Variants in DLGAP2 observed in about 807,000 individuals in gnomAD.
DLGAP2 encodes the protein DLG associated protein 2, also known as disks large-associated protein 2.
Under a neutral mutation model 100.3 loss-of-function variants are expected in DLGAP2, and 26 were observed. The ratio of observed to expected loss-of-function variants is 0.26; its 90% CI spans 0.19 to 0.36. The LOEUF is 0.36. Among genes scored for constraint, DLGAP2 ranks in the 10% least tolerant of loss-of-function variants. The pLI is 1.00. For missense variants in DLGAP2, 1,858 were observed against 1,453.2 expected, an observed-to-expected ratio of 1.28 and a Z score of -4.53; for synonymous variants, 886 against 630.1, an observed-to-expected ratio of 1.41 and a Z score of -6.08.
intron 5 of DLGAP2, among the ~76,000 whole-genome samples, chr8:1,550,102 T>C (rs1244495724): frequency 6.6e-6 from 1 of 152,192 alleles, no homozygotes; most frequent in Non-Finnish European, 1.5e-5. Flanking sequence ...ATGCCACCCG[T>C]GAGAGGGACC....
chr8:1,102,249 A>G (rs965302645), intron 2 of DLGAP2, among the ~76,000 whole-genome samples: 7 of 147,872 alleles, frequency 4.7e-5, no homozygotes, highest in Admixed American at 1.4e-4. Flanking sequence ...ACTGATTAAT[A>G]TTAATATATA....
At position 1,280,813 on chromosome 8, in the gene DLGAP2, G is replaced by A. The variant is rs55636412; in HGVS notation, c.106+21930G>A. ...GTTTGCAGATGTCACCTGTAATGGGGAGATTCTTAAATGGGACACATAGGC... is the reference window on the plus strand; with the variant it reads ...GTTTGCAGATGTCACCTGTAATGGGAAGATTCTTAAATGGGACACATAGGC... On this transcript the variant is annotated intron_variant, in intron 3 of 14. Coordinates refer to ENST00000637795, the MANE Select transcript of DLGAP2 (RefSeq NM_001346810.2). Among the ~76,000 whole-genome samples the A allele has an allele frequency of 9.9e-3, 1,506 of 152,286 alleles. 20 individuals carry two copies. The highest frequency in any genetic ancestry group is 0.035 in the African/African-American group (1,434 of 41,552).
intron 3 of DLGAP2, among the ~76,000 whole-genome samples, chr8:1,438,812 C>T (rs1162092841): frequency 6.6e-6 from 1 of 152,200 alleles, no homozygotes; most frequent in Non-Finnish European, 1.5e-5. Flanking sequence ...TGGAAACTGC[C>T]ATCCACAAAT....
intron 3 of DLGAP2, among the ~76,000 whole-genome samples, chr8:1,332,922 T>C (rs1220774233): frequency 6.6e-6 from 1 of 152,132 alleles, no homozygotes; most frequent in African/African-American, 2.4e-5. Context: ...CTTGCTGATG[T>C]TTCCTCAGAG....
intron 2 of DLGAP2, among the ~76,000 whole-genome samples, chr8:983,928 C>A (rs900033748): frequency 2.0e-5 from 3 of 152,210 alleles, no homozygotes; most frequent in Non-Finnish European, 4.4e-5. Context: ...ATGTGAGCCA[C>A]TGTGCCTGAC....
intron 1 of DLGAP2, among the ~76,000 whole-genome samples, chr8:855,355 T>G (rs1487287869): frequency 2.0e-5 from 3 of 152,188 alleles, no homozygotes; most frequent in Non-Finnish European, 4.4e-5. Flanking sequence ...GCGTTCTCTG[T>G]GCTCCCCACT....
intron 1 of DLGAP2, among the ~76,000 whole-genome samples, chr8:847,045 G>A (rs555507269): frequency 5.8e-4 from 88 of 152,250 alleles, no homozygotes; most frequent in Non-Finnish European, 1.1e-3. Flanking sequence ...AATAGTTTTT[G>A]TACAGTTGGA....
At chr8:1,657,111 G>C (rs1798302580) in intron 8 of DLGAP2, among the ~76,000 whole-genome samples, 1 of 152,078 alleles carries the variant, frequency 6.6e-6, no homozygotes. Flanking sequence ...TTTAAAGAAA[G>C]TAGTCAGGTC....
At chr8:907,566 A>T (rs1054977786) in intron 1 of DLGAP2, among the ~76,000 whole-genome samples, 1 of 152,186 alleles carries the variant, frequency 6.6e-6, no homozygotes, top group Non-Finnish European at 1.5e-5. Flanking sequence ...TAATATTTTA[A>T]AAGCCATCAC....
intron 1 of DLGAP2, among the ~76,000 whole-genome samples, chr8:832,653 G>T (rs578027128): frequency 6.6e-5 from 10 of 152,334 alleles, no homozygotes; most frequent in African/African-American, 2.2e-4. Context: ...CTTTTGCACT[G>T]ATTTTTTTGA....
chr8:1,601,946 G>A (rs2957081), intron 6 of DLGAP2, among the ~76,000 whole-genome samples: 364 of 7,128 alleles, frequency 0.051, 2 homozygotes, highest in African/African-American at 0.099. Context: ...ATTTAACAGG[G>A]TGTGTGTGTG....
intron 4 of DLGAP2, among the ~76,000 whole-genome samples, chr8:1,512,027 A>G (rs762122364): frequency 1.1e-4 from 16 of 152,230 alleles, no homozygotes; most frequent in East Asian, 5.8e-4. Context: ...CTGACTAACA[A>G]TCTTCAGAAG....
chr8:1,630,579 G>A (rs968655366), intron 7 of DLGAP2, among the ~76,000 whole-genome samples: 13 of 152,062 alleles, frequency 8.5e-5, no homozygotes, highest in Non-Finnish European at 1.3e-4. Flanking sequence ...GCGGGCACCT[G>A]TGGTCCCAGC....
At chr8:1,639,063 G>A (rs1262920385) in intron 8 of DLGAP2, among the ~76,000 whole-genome samples, 2 of 152,218 alleles carry the variant, frequency 1.3e-5, no homozygotes, top group African/African-American at 4.8e-5. Context: ...AAGCCAACAG[G>A]GCCCAGCCCA....
intron 10 of DLGAP2, 34 bp from the exon 11 acceptor site, chr8:1,676,499 C>G (rs760388653): frequency 1.3e-6 from 2 of 1,596,922 alleles, no homozygotes; most frequent in African/African-American, 1.3e-5. Context: ...CCCCATGTTT[C>G]AGTTCTAAAA....
chr8:1,095,776 T>G (rs1005087902), intron 2 of DLGAP2, among the ~76,000 whole-genome samples: 3 of 152,186 alleles, frequency 2.0e-5, no homozygotes, highest in African/African-American at 7.2e-5. Context: ...ATAAAAACCT[T>G]CTAATTCTAG....
chr8:1,520,600 C>A (rs1437951612), intron 4 of DLGAP2, among the ~76,000 whole-genome samples: 1 of 152,148 alleles, frequency 6.6e-6, no homozygotes, highest in Non-Finnish European at 1.5e-5. Flanking sequence ...CCCTCCCTGC[C>A]CCCAACCCCT....
At chr8:1,463,125 C>T (rs767681492) in intron 3 of DLGAP2, among the ~76,000 whole-genome samples, 6 of 152,082 alleles carry the variant, frequency 3.9e-5, no homozygotes, top group African/African-American at 1.2e-4. Flanking sequence ...GGTGTGTGCC[C>T]GTAATCCCCG....
At chr8:1,504,005 A>G (rs555834367) in intron 4 of DLGAP2, among the ~76,000 whole-genome samples, 3 of 152,146 alleles carry the variant, frequency 2.0e-5, no homozygotes, top group Non-Finnish European at 4.4e-5. Context: ...GCAGAAGTGC[A>G]CCTCGTGAGG....
Sources: allele counts gnomAD v4.1 joint callset (sites outside exome capture counted in the v4.1 genomes callset), GRCh38; gene constraint gnomAD v4.1.1; transcripts MANE v1.5; gene names NCBI Gene and HGNC (gene_info 2026-07-23, HGNC 2026-07-21).